The following DLGAP1 variants were observed in gnomAD, a reference collection of about 807,000 sequenced individuals.
DLGAP1 encodes DLG associated protein 1, also known as disks large-associated protein 1.
Under a neutral mutation model 90.8 loss-of-function variants are expected in DLGAP1, and 11 were observed. That is an observed-to-expected ratio of 0.12 (90% confidence interval 0.08 to 0.20). The LOEUF (loss-of-function observed/expected upper bound fraction) is 0.20. Among genes scored for constraint, DLGAP1 ranks in the 10% least tolerant of loss-of-function variants. The pLI is 1.00. For synonymous variants in DLGAP1, 558 were observed against 540.7 expected (o/e 1.03, Z -0.44); for missense variants, 1,050 against 1,333.8 (o/e 0.79, Z 3.31).
intron 1 of DLGAP1, among the ~76,000 whole-genome samples, chr18:4,401,897 C>T (rs1044708191): frequency 2.6e-5 from 4 of 152,156 alleles, no homozygotes; most frequent in Non-Finnish European, 5.9e-5. Context: ...GACAAAGTTT[C>T]CCTCCCCCAT....
At chr18:3,701,878 G>A (rs747702793) in intron 7 of DLGAP1, among the ~76,000 whole-genome samples, 1 of 152,124 alleles carries the variant, frequency 6.6e-6, no homozygotes, top group Non-Finnish European at 1.5e-5. Context: ...GAGAAGAGTC[G>A]TAGGAGGGGC....
chr18:3,798,120 T>C (rs35091618), intron 5 of DLGAP1, among the ~76,000 whole-genome samples: 2 of 152,298 alleles, frequency 1.3e-5, no homozygotes, highest in African/African-American at 4.8e-5. Flanking sequence ...AGCATGAAAA[T>C]GGACTAATAT....
intron 1 of DLGAP1, among the ~76,000 whole-genome samples, chr18:4,156,424 C>A (rs1203054371): frequency 6.6e-6 from 1 of 152,100 alleles, no homozygotes; most frequent in Non-Finnish European, 1.5e-5. Flanking sequence ...ATTTTAATTC[C>A]CTTCTGTTTC....
intron 4 of DLGAP1, among the ~76,000 whole-genome samples, chr18:3,848,699 C>T (rs2069163803): frequency 6.6e-6 from 1 of 152,140 alleles, no homozygotes; most frequent in Admixed American, 6.5e-5. Flanking sequence ...CCCTCTCCTG[C>T]CATATCACCA....
At position 3,536,386 on chromosome 18, in the gene DLGAP1, T is replaced by C. The variant is rs190443999; in HGVS notation, c.2058-1771A>G. Reference sequence around the variant, plus strand: ...GTACAGGCATGCACCACCATGCCCATCTAATTTTTGTATTTTTAGTAGAGT... The same window carrying C: ...GTACAGGCATGCACCACCATGCCCACCTAATTTTTGTATTTTTAGTAGAGT... On this transcript the variant is annotated intron_variant, in intron 9 of 12. Transcript: ENST00000315677. 2.9e-3 allele frequency among the ~76,000 whole-genome samples: 433 copies of C among 151,870 alleles called. 4 individuals carry two copies. The highest frequency in any genetic ancestry group is 9.7e-3 in the African/African-American group (404 of 41,470).
intron 1 of DLGAP1, among the ~76,000 whole-genome samples, chr18:4,159,014 A>C (rs1207630470): frequency 6.6e-6 from 1 of 152,210 alleles, no homozygotes; most frequent in Non-Finnish European, 1.5e-5. Context: ...AATATTTTAA[A>C]GGAAGAAAAC....
intron 1 of DLGAP1, among the ~76,000 whole-genome samples, chr18:4,206,448 G>A (rs2077722296): frequency 6.6e-6 from 1 of 152,134 alleles, no homozygotes; most frequent in African/African-American, 2.4e-5. Context: ...AGGGCACCGG[G>A]AAGTGGCTGC....
chr18:4,163,108 C>T (rs557355745), intron 1 of DLGAP1, among the ~76,000 whole-genome samples: 1 of 152,140 alleles, frequency 6.6e-6, no homozygotes, highest in East Asian at 1.9e-4. Context: ...AGAAAGACAT[C>T]TAAACCCAAG....
intron 3 of DLGAP1, among the ~76,000 whole-genome samples, chr18:3,990,645 T>TA (rs2073947908): frequency 6.8e-6 from 1 of 147,620 alleles, no homozygotes; most frequent in African/African-American, 2.5e-5. Flanking sequence ...ATAATAATAA[T>TA]AATAATAATA....
intron 1 of DLGAP1, among the ~76,000 whole-genome samples, chr18:4,320,981 G>A (rs1468437049): frequency 1.3e-5 from 2 of 152,110 alleles, no homozygotes; most frequent in Non-Finnish European, 2.9e-5. Flanking sequence ...ACATTTTTGA[G>A]TAAATATCTC....
chr18:3,624,755 G>GT (rs971804877), intron 7 of DLGAP1, among the ~76,000 whole-genome samples: 9 of 152,034 alleles, frequency 5.9e-5, no homozygotes, highest in South Asian at 2.1e-4. Flanking sequence ...AATTTATTTT[G>GT]TTTTTTTCTG....
intron 5 of DLGAP1, among the ~76,000 whole-genome samples, chr18:3,746,835 T>C (rs2063289207): frequency 6.6e-6 from 1 of 152,244 alleles, no homozygotes. Context: ...AGATATTCCC[T>C]ATATTCTAAG....
intron 7 of DLGAP1, among the ~76,000 whole-genome samples, chr18:3,691,119 C>G (rs2060879578): frequency 6.6e-6 from 1 of 152,068 alleles, no homozygotes; most frequent in Non-Finnish European, 1.5e-5. Flanking sequence ...AGTTGATATG[C>G]TAATTCGAAA....
At chr18:4,356,367 C>A (rs2081515870) in intron 1 of DLGAP1, among the ~76,000 whole-genome samples, 2 of 152,178 alleles carry the variant, frequency 1.3e-5, no homozygotes, top group Admixed American at 1.3e-4. Context: ...CACTGCAAAT[C>A]TCTACATAGA....
At chr18:3,570,928 C>CAAAA (rs71366686) in intron 8 of DLGAP1, among the ~76,000 whole-genome samples, 1 of 113,032 alleles carries the variant, frequency 8.8e-6, no homozygotes, top group Admixed American at 9.0e-5. Flanking sequence ...GACAGTGTCT[C>CAAAA]AAAAAAAAAA....
intron 3 of DLGAP1, among the ~76,000 whole-genome samples, chr18:3,933,530 T>A (rs2072565245): frequency 6.6e-6 from 1 of 152,256 alleles, no homozygotes; most frequent in African/African-American, 2.4e-5. Flanking sequence ...GACTCTTGTC[T>A]CTTCTTGGGA....
At chr18:4,223,804 T>C (rs1259850545) in intron 1 of DLGAP1, among the ~76,000 whole-genome samples, 1 of 152,156 alleles carries the variant, frequency 6.6e-6, no homozygotes, top group Non-Finnish European at 1.5e-5. Flanking sequence ...TCCCAGTCTA[T>C]ACAGAGAACA....
chr18:4,313,857 C>G (rs1433303889), intron 1 of DLGAP1, among the ~76,000 whole-genome samples: 3 of 152,056 alleles, frequency 2.0e-5, no homozygotes, highest in Non-Finnish European at 4.4e-5. Context: ...TAGAACTGAC[C>G]CAGATCAGTG....
rs566436334 is a variant in DLGAP1, at chr18:3,569,088, G to A, written c.1966-1507C>T. ...CGCAATCTCAGCTCCTGCAACCTCC[G>A]CTTCCCGGGTTCAAGCAATTCTCCT... On this transcript the variant is annotated intron_variant, in intron 8 of 12. Transcript: ENST00000315677. 4.0e-4 allele frequency among the ~76,000 whole-genome samples: 61 copies of A among 151,732 alleles called. 4 individuals are homozygous for A. The South Asian group carries it at 0.012, about 30-fold the overall frequency.
Sources: gnomAD v4.1 joint callset for allele counts (sites outside exome capture counted in the v4.1 genomes callset) on GRCh38, gnomAD v4.1.1 for gene constraint, MANE v1.5 for transcripts, NCBI Gene and HGNC (gene_info 2026-07-23, HGNC 2026-07-21) for gene names.